Variants in IQGAP1 observed in about 807,000 individuals in gnomAD.
IQGAP1 encodes ras GTPase-activating-like protein IQGAP1.
In IQGAP1, 66 loss-of-function variants were observed where a neutral mutation model predicts 215.6. The observed-to-expected ratio is 0.31, with a 90% confidence interval of 0.25 to 0.38. IQGAP1 has a LOEUF of 0.38. Ranked by LOEUF, IQGAP1 falls within the 10% of genes least tolerant of loss-of-function variation. The probability of loss-of-function intolerance (pLI) is 1.00; values close to 1 mark genes in which losing one functional copy is unlikely to be tolerated. For synonymous variants in IQGAP1, 772 were observed against 728.7 expected (o/e 1.06, Z -0.96); for missense variants, 1,712 against 1,997.1 (o/e 0.86, Z 2.72).
At chr15:90,478,166 ATTT>A in intron 26 of IQGAP1, among the ~76,000 whole-genome samples, 1 of 151,830 alleles carries the variant, frequency 6.6e-6, no homozygotes, top group South Asian at 2.1e-4. Context: ...TGATTTTTGT[ATTT>A]TTAGTAAGAC....
At chr15:90,424,903 C>CA (rs1312849471) in intron 2 of IQGAP1, among the ~76,000 whole-genome samples, 6 of 151,740 alleles carry the variant, frequency 4.0e-5, no homozygotes, top group Non-Finnish European at 7.4e-5. Flanking sequence ...TTCCTAGAGT[C>CA]AATGAAGTCT....
intron 33 of IQGAP1, among the ~76,000 whole-genome samples, chr15:90,490,288 T>C (rs139870420): frequency 1.3e-5 from 2 of 152,248 alleles, no homozygotes; most frequent in South Asian, 2.1e-4. Context: ...AAACCATGCA[T>C]AGAGCAAGAA....
Position 90,452,782 on chromosome 15 carries a change from A to C in IQGAP1, c.1170A>C (p.Ala390=), listed in dbSNP as rs1366482429. ...SAAQQYQRRL[A]AVALINAAIQ... is the part of the protein sequence containing the mutation. ...CTCCTGTTTTTTACACAGGATTGGC[A>C]GCAGTAGCACTGATTAATGCTGCAA... is the stretch of plus-strand genomic sequence containing the variant. The change falls in exon 12 of 38, where the codon GCA becomes GCC. Residue 390 remains alanine, a synonymous_variant. Transcript: ENST00000268182. The C allele has an allele frequency of 6.2e-7, 1 of 1,614,048 alleles. No individual in the cohort carries two copies. Among genetic ancestry groups the C allele is most frequent in the South Asian group, 1.1e-5 (1 of 91,068 alleles).
intron 28 of IQGAP1, chr15:90,482,858 A>G: frequency 2.5e-6 from 1 of 397,386 alleles, no homozygotes; most frequent in Non-Finnish European, 3.5e-6. Context: ...TTTCAGAGGC[A>G]TGAACTTGGC....
Position 90,388,369 on chromosome 15 carries a change from C to T in IQGAP1, c.28C>T (p.Leu10=). 6.3e-7 allele frequency: 1 copy of T among 1,591,594 alleles called. No individual in the cohort carries two copies. The highest frequency in any genetic ancestry group is 8.5e-7 in the Non-Finnish European group (1 of 1,170,426). MSAADEVDG[L]GVARPHYGSV... is the part of the protein sequence containing the mutation. ...GTCCGCCGCAGACGAGGTTGACGGG[C>T]TGGGCGTGGCCCGGCCGCACTATGG... The change falls in exon 1 of 38, where the codon CTG becomes TTG. Residue 10 remains leucine (L), a synonymous_variant. Transcript: ENST00000268182.
In IQGAP1 at chr15:90,429,518, G is replaced by A; in HGVS notation, c.313-71G>A. The A allele has an allele frequency of 3.4e-6, 4 of 1,175,238 alleles. No homozygotes were observed. In the South Asian group the frequency reaches 6.0e-5, roughly 18 times the overall value. The allele number at this position is 1,175,238 out of a possible 1,614,324, so 72.8% of individuals were successfully genotyped here. ...TGTCAAATCTCTTGAGGAAACTTTT[G>A]CGAAGAGAGTTTTTATTTAATATTT... On this transcript the variant is annotated intron_variant, in intron 3 of 37. Transcript: ENST00000268182.
intron 8 of IQGAP1, among the ~76,000 whole-genome samples, chr15:90,442,962 ACT>A (rs1218258187): frequency 6.6e-6 from 1 of 151,646 alleles, no homozygotes; most frequent in African/African-American, 2.4e-5. Context: ...ACAGAGTGAG[ACT>A]CTGTCTCAAA....
chr15:90,450,068 GCTAT>G (rs1432257195), intron 11 of IQGAP1, among the ~76,000 whole-genome samples: 14 of 152,030 alleles, frequency 9.2e-5, no homozygotes, highest in Non-Finnish European at 2.1e-4. Flanking sequence ...ATCCTACTGT[GCTAT>G]CTAACACTAG....
intron 5 of IQGAP1, among the ~76,000 whole-genome samples, chr15:90,435,865 G>A (rs1473240561): frequency 6.6e-6 from 1 of 152,134 alleles, no homozygotes; most frequent in African/African-American, 2.4e-5. Context: ...TTTTTATGGT[G>A]TTTTTCCTGA....
intron 4 of IQGAP1, among the ~76,000 whole-genome samples, chr15:90,430,536 C>G (rs1489165988): frequency 6.6e-6 from 1 of 152,078 alleles, no homozygotes; most frequent in Non-Finnish European, 1.5e-5. Context: ...AAAAGGATAT[C>G]AACCCAAGTA....
intron 7 of IQGAP1, among the ~76,000 whole-genome samples, 195 bp from the exon 8 acceptor site, chr15:90,441,311 C>A (rs1256531790): frequency 1.3e-5 from 2 of 152,046 alleles, no homozygotes; most frequent in Non-Finnish European, 2.9e-5. Flanking sequence ...TGTGGCTTTG[C>A]ATACTGTAAG....
At chr15:90,483,671 C>T in intron 29 of IQGAP1, 78 bp downstream of exon 29, 1 of 1,020,244 alleles carries the variant, frequency 9.8e-7, no homozygotes, top group Admixed American at 2.0e-5. Flanking sequence ...AGATTAAAAA[C>T]CACCTCTCAC....
In IQGAP1 at chr15:90,474,087, G is replaced by A. The variant is rs1476139031; in HGVS notation, c.2529G>A (p.Gln843=). The A allele has an allele frequency of 8.1e-6, 13 of 1,613,266 alleles. No individual in the cohort carries two copies. The highest frequency in any genetic ancestry group is 1.1e-5 in the Non-Finnish European group (13 of 1,179,640). ...RDHINDIIKI[Q]AFIRANKARD... ...AGATAAATGACATTATCAAAATCCA[G>A]GCTTTTATTCGGGCAAACAAAGCTC... Residue 843 remains glutamine, a synonymous_variant, in exon 22 of 38, where the codon CAG becomes CAA. Transcript: ENST00000268182.
chr15:90,476,474 G>A (rs1023761274), intron 23 of IQGAP1, among the ~76,000 whole-genome samples, 189 bp from the exon 24 acceptor site: 1 of 152,110 alleles, frequency 6.6e-6, no homozygotes, highest in East Asian at 1.9e-4. Context: ...TTCTTTGTTG[G>A]AACATAGGAA....
intron 10 of IQGAP1, 26 bp from the exon 11 acceptor site, chr15:90,449,533 T>C (rs377049571): frequency 1.7e-5 from 27 of 1,589,860 alleles, no homozygotes; most frequent in Non-Finnish European, 2.2e-5. Flanking sequence ...GAGTAATCTT[T>C]ACATAATTTT....
At chr15:90,396,289 A>C (rs1964718039) in intron 2 of IQGAP1, among the ~76,000 whole-genome samples, 1 of 152,200 alleles carries the variant, frequency 6.6e-6, no homozygotes, top group Non-Finnish European at 1.5e-5. Context: ...CCCTGGGATC[A>C]TGAAAATAGA....
At chr15:90,443,366 C>T in intron 8 of IQGAP1, 28 bp from the exon 9 acceptor site, 1 of 1,499,660 alleles carries the variant, frequency 6.7e-7, no homozygotes, top group South Asian at 1.1e-5. Context: ...CTTAAGCTAA[C>T]TTAATTACGC....
intron 2 of IQGAP1, among the ~76,000 whole-genome samples, chr15:90,412,102 A>G (rs148179556): frequency 0.01 from 1,536 of 152,332 alleles, 20 homozygotes; most frequent in Middle Eastern, 0.095. Context: ...GACTTGACCT[A>G]TTCTATCTGA....
chr15:90,410,610 C>G lies in IQGAP1; in HGVS notation c.156-15500C>G, dbSNP rs537927769. 2.6e-5 allele frequency among the ~76,000 whole-genome samples: 4 copies of G among 151,538 alleles called. No homozygotes were observed. The East Asian group carries it at 7.8e-4, about 29-fold the overall frequency. ...GACAGAAAACCAAACACCGCATGTT[C>G]TCACTCATAGGTGGGAATTGAACAA... On this transcript the variant is annotated intron_variant, in intron 2 of 37. Transcript: ENST00000268182.
Sources: allele counts gnomAD v4.1 joint callset (sites outside exome capture counted in the v4.1 genomes callset), GRCh38; gene constraint gnomAD v4.1.1; transcripts MANE v1.5; gene names NCBI Gene and HGNC (gene_info 2026-07-23, HGNC 2026-07-21).